LRP1B: variants seen among roughly 807,000 people sequenced by gnomAD.
LRP1B encodes low-density lipoprotein receptor-related protein 1B.
A neutral mutation model predicts 556.6 loss-of-function variants in LRP1B; 217 were observed. That is an observed-to-expected ratio of 0.39 (90% CI 0.35 to 0.44). The LOEUF is 0.44. Among genes scored for constraint, LRP1B ranks in the 20% least tolerant of loss-of-function variants. The pLI, the probability that LRP1B is intolerant of heterozygous loss-of-function variation, is 1.00. For missense variants in LRP1B, 5,053 were observed against 5,620.8 expected (o/e 0.90, Z 3.23); for synonymous variants, 2,047 against 1,865.8 (o/e 1.10, Z -2.50).
At chr2:141,811,986 T>C (rs940095427) in intron 1 of LRP1B, among the ~76,000 whole-genome samples, 2 of 152,120 alleles carry the variant, frequency 1.3e-5, no homozygotes, top group African/African-American at 4.8e-5. Context: ...ATATAGGACA[T>C]TTCAGGTAAG....
At chr2:141,503,449 T>C (rs1279059825) in intron 2 of LRP1B, among the ~76,000 whole-genome samples, 2 of 151,916 alleles carry the variant, frequency 1.3e-5, no homozygotes, top group South Asian at 2.1e-4. Flanking sequence ...CAAATATCAA[T>C]TGCCAAGTCT....
At chr2:140,890,388 A>C (rs1376638964) in intron 23 of LRP1B, among the ~76,000 whole-genome samples, 3 of 152,188 alleles carry the variant, frequency 2.0e-5, no homozygotes, top group African/African-American at 7.2e-5. Flanking sequence ...ATTTTCAAAC[A>C]TGTTTGAGTT....
chr2:140,932,526 T>A (rs775777939), intron 20 of LRP1B, among the ~76,000 whole-genome samples: 1 of 152,094 alleles, frequency 6.6e-6, no homozygotes, highest in African/African-American at 2.4e-5. Context: ...TGTTCTAAAC[T>A]ATTCTAAATA....
intron 41 of LRP1B, among the ~76,000 whole-genome samples, chr2:140,616,335 T>A (rs1683255270): frequency 6.6e-6 from 1 of 152,014 alleles, no homozygotes; most frequent in South Asian, 2.1e-4. Context: ...CTTATATATC[T>A]AATTTTAAAT....
intron 2 of LRP1B, among the ~76,000 whole-genome samples, chr2:141,809,503 T>G (rs991681419): frequency 6.6e-6 from 1 of 152,026 alleles, no homozygotes; most frequent in Admixed American, 6.6e-5. Context: ...ACTATCAATA[T>G]TCAGGGGACT....
chr2:140,959,229 T>C (rs1467887413), intron 18 of LRP1B, among the ~76,000 whole-genome samples: 1 of 151,584 alleles, frequency 6.6e-6, no homozygotes, highest in Non-Finnish European at 1.5e-5. Flanking sequence ...ATTAATGTGA[T>C]CCTTAACGAG....
intron 41 of LRP1B, among the ~76,000 whole-genome samples, chr2:140,677,885 A>G (rs1239879782): frequency 6.6e-6 from 1 of 151,896 alleles, no homozygotes; most frequent in African/African-American, 2.4e-5. Context: ...TCAAAAAAAA[A>G]AAAAAAAAAG....
intron 3 of LRP1B, among the ~76,000 whole-genome samples, chr2:141,331,780 C>A (rs545083844): frequency 1.8e-4 from 27 of 152,086 alleles, no homozygotes; most frequent in South Asian, 4.2e-4. Context: ...ATAAATAAAT[C>A]TGAGCAAATT....
In LRP1B at chr2:141,528,669, T is replaced by C. The variant is rs549525899; in HGVS notation, c.206-48136A>G. Among the ~76,000 whole-genome samples, 7 of 152,264 alleles carry C rather than the reference T, an allele frequency of 4.6e-5. No individual in the cohort carries two copies. The East Asian group carries it at 5.8e-4, about 13-fold the overall frequency. ...GGAAACTTCCTAATTTTCTTCACCA[T>C]AGGACTTTATCATCTGAATTAAATT... On this transcript the variant is annotated intron_variant, in intron 2 of 90. Transcript: ENST00000389484.
chr2:141,081,784 C>T (rs1699928925), intron 7 of LRP1B, among the ~76,000 whole-genome samples: 1 of 152,116 alleles, frequency 6.6e-6, no homozygotes, highest in Non-Finnish European at 1.5e-5. Flanking sequence ...TCTCTAGTAA[C>T]ACACAAGCCC....
chr2:141,887,899 T>A (rs1333351691), intron 1 of LRP1B, among the ~76,000 whole-genome samples: 3 of 152,186 alleles, frequency 2.0e-5, no homozygotes. Flanking sequence ...TATGAAAGAA[T>A]AATAATGTAA....
In LRP1B at chr2:140,902,500, C is replaced by T. The variant is rs969125276; in HGVS notation, c.3766+420G>A. On this transcript the variant is annotated intron_variant, in intron 23 of 90. Transcript: ENST00000389484. The stretch of plus-strand genomic sequence containing the variant: ...ACTGTGAAAAACCACCTAGAGAATC[C>T]GCAGAATGTTTTAGATAAGTGGTTA... Among the ~76,000 whole-genome samples, 21 of 151,990 alleles carry T rather than the reference C, an allele frequency of 1.4e-4. 1 individual carries two copies. The highest frequency in any genetic ancestry group is 1.2e-3 in the East Asian group (6 of 5,164).
intron 49 of LRP1B, among the ~76,000 whole-genome samples, chr2:140,525,070 A>ACTT (rs1214694254): frequency 1.3e-5 from 2 of 151,938 alleles, no homozygotes; most frequent in African/African-American, 2.4e-5. Context: ...TGTGTAAAAT[A>ACTT]CTTATGAATA....
At chr2:141,276,252 T>A (rs1001420573) in intron 3 of LRP1B, among the ~76,000 whole-genome samples, 3 of 152,208 alleles carry the variant, frequency 2.0e-5, no homozygotes, top group African/African-American at 4.8e-5. Flanking sequence ...CTTACCACAG[T>A]CTGTAAATTA....
chr2:141,452,643 A>G (rs1365352979), intron 3 of LRP1B, among the ~76,000 whole-genome samples: 1 of 152,182 alleles, frequency 6.6e-6, no homozygotes, highest in Non-Finnish European at 1.5e-5. Context: ...CCAGTAAAGA[A>G]GTTTCCCAGG....
intron 59 of LRP1B, 82 bp downstream of exon 59, chr2:140,485,261 G>T: frequency 9.8e-7 from 1 of 1,016,594 alleles, no homozygotes; most frequent in Non-Finnish European, 1.4e-6. Context: ...GGATTTCCAT[G>T]TTAATGATCT....
At chr2:141,514,127 C>A (rs1684225030) in intron 2 of LRP1B, among the ~76,000 whole-genome samples, 1 of 152,074 alleles carries the variant, frequency 6.6e-6, no homozygotes, top group African/African-American at 2.4e-5. Flanking sequence ...TATATATAAC[C>A]TACTTGACTT....
intron 23 of LRP1B, among the ~76,000 whole-genome samples, chr2:140,896,998 G>T (rs1028831850): frequency 5.9e-5 from 9 of 152,104 alleles, no homozygotes; most frequent in Non-Finnish European, 1.3e-4. Context: ...TTTTCTAAAA[G>T]GGGTGAACAA....
chr2:140,766,893 C>A (rs1689141274), intron 35 of LRP1B, among the ~76,000 whole-genome samples: 3 of 139,326 alleles, frequency 2.2e-5, no homozygotes, highest in Non-Finnish European at 4.6e-5. Context: ...ATAATTTCTA[C>A]AATATTTTAC....
Sources: allele counts gnomAD v4.1 joint callset (sites outside exome capture counted in the v4.1 genomes callset), GRCh38; gene constraint gnomAD v4.1.1; transcripts MANE v1.5; gene names NCBI Gene and HGNC (gene_info 2026-07-23, HGNC 2026-07-21).